The following NLK variants were observed in gnomAD, a reference collection of about 807,000 sequenced individuals.
NLK encodes nemo like kinase.
Under a neutral mutation model 59.0 loss-of-function variants are expected in NLK, and 11 were observed. That is an observed-to-expected ratio of 0.19 (90% CI 0.12 to 0.31). NLK has a LOEUF of 0.31. NLK is among the 10% of genes least tolerant of loss of function. The pLI, the probability that NLK is intolerant of heterozygous loss-of-function variation, is 1.00. For synonymous variants in NLK, 235 were observed against 235.9 expected (o/e 1.00, Z 0.03); for missense variants, 410 against 661.1 (o/e 0.62, Z 4.16).
At chr17:28,162,551 C>A (rs943355106) in intron 4 of NLK, among the ~76,000 whole-genome samples, 1 of 152,000 alleles carries the variant, frequency 6.6e-6, no homozygotes, top group Non-Finnish European at 1.5e-5. Flanking sequence ...GCAGGAGAAT[C>A]GAGTGAACCC....
chr17:28,143,455 T>G (rs1443736651), intron 3 of NLK, among the ~76,000 whole-genome samples: 1 of 152,178 alleles, frequency 6.6e-6, no homozygotes, highest in East Asian at 1.9e-4. Flanking sequence ...TAGCATTAGT[T>G]TCTGTCCATA....
intron 5 of NLK, among the ~76,000 whole-genome samples, chr17:28,167,784 G>C (rs1233448955): frequency 6.6e-6 from 1 of 151,548 alleles, no homozygotes. Flanking sequence ...GCCTCAGATC[G>C]ATCACGCCAC....
rs1906736236 is a variant in NLK at position 28,136,105 on chromosome 17, G to T, written c.644+3430G>T. 2.6e-5 allele frequency among the ~76,000 whole-genome samples: 4 copies of T among 152,194 alleles called. No homozygotes were observed. The South Asian group carries it at 8.3e-4, about 32-fold the overall frequency. On this transcript the variant is annotated intron_variant, in intron 3 of 10. Coordinates refer to ENST00000407008, the MANE Select transcript of NLK (RefSeq NM_016231.5). ...TTGTTCGCAGATGTTTAAGTAAAGA[G>T]CCTTTGTCAAAAAATATTCATGGAA...
chr17:28,137,005 TAAAA>T, intron 3 of NLK, among the ~76,000 whole-genome samples: 1 of 127,190 alleles, frequency 7.9e-6, no homozygotes, highest in South Asian at 2.5e-4. Flanking sequence ...CCTTGAAAAA[TAAAA>T]AACCTATTAC....
At chr17:28,130,559 A>AC (rs1336329492) in intron 2 of NLK, among the ~76,000 whole-genome samples, 21 of 152,200 alleles carry the variant, frequency 1.4e-4, no homozygotes, top group Admixed American at 3.9e-4. Context: ...TGGAGTAAGA[A>AC]AGCCTCATTC....
chr17:28,106,533 CA>C (rs959923695), intron 1 of NLK, among the ~76,000 whole-genome samples: 3 of 152,062 alleles, frequency 2.0e-5, no homozygotes, highest in African/African-American at 7.2e-5. Flanking sequence ...TTCAAATAAA[CA>C]AAAATTTAAT....
downstream of NLK, among the ~76,000 whole-genome samples, chr17:28,198,655 T>G (rs1017734436): frequency 6.6e-6 from 1 of 152,164 alleles, no homozygotes; most frequent in African/African-American, 2.4e-5. Flanking sequence ...CTCCATTCTC[T>G]TCCGGAGTTT....
chr17:28,118,133 A>G (rs1245790953), intron 1 of NLK, among the ~76,000 whole-genome samples: 13 of 152,164 alleles, frequency 8.5e-5, no homozygotes, highest in Admixed American at 7.9e-4. Context: ...GAAACAGGCA[A>G]TCTAAATACA....
intron 1 of NLK, among the ~76,000 whole-genome samples, chr17:28,080,140 T>C (rs1245121331): frequency 6.6e-6 from 1 of 152,190 alleles, no homozygotes; most frequent in African/African-American, 2.4e-5. Flanking sequence ...TGTGTGTGTA[T>C]GTGTCTGTCA....
At chr17:28,135,651 C>T (rs1284363142) in intron 3 of NLK, among the ~76,000 whole-genome samples, 1 of 152,178 alleles carries the variant, frequency 6.6e-6, no homozygotes, top group Non-Finnish European at 1.5e-5. Context: ...CCCTTTACTG[C>T]ACATAGGCCA....
intron 1 of NLK, among the ~76,000 whole-genome samples, chr17:28,060,684 G>T (rs945389748): frequency 6.6e-6 from 1 of 152,186 alleles, no homozygotes; most frequent in Non-Finnish European, 1.5e-5. Context: ...AACATTAAAG[G>T]ATTTCACTTT....
chr17:28,115,705 A>G (rs1394091232), intron 1 of NLK, among the ~76,000 whole-genome samples: 1 of 152,092 alleles, frequency 6.6e-6, no homozygotes, highest in Non-Finnish European at 1.5e-5. Flanking sequence ...ACAATTTTAC[A>G]ATGTTGAGTT....
At chr17:28,100,082 T>C (rs1358503558) in intron 1 of NLK, among the ~76,000 whole-genome samples, 1 of 152,234 alleles carries the variant, frequency 6.6e-6, no homozygotes, top group African/African-American at 2.4e-5. Flanking sequence ...TGCAAGTTTT[T>C]ACATAGCTCT....
chr17:28,192,230 A>G lies in NLK; in HGVS notation c.1529+17A>G. The G allele has an allele frequency of 7.6e-7, 1 of 1,311,468 alleles. No individual in the cohort carries two copies. Among genetic ancestry groups the G allele is most frequent in the Non-Finnish European group, 1.1e-6 (1 of 914,950 alleles). The allele number at this position is 1,311,468 out of a possible 1,614,324, so 81.2% of individuals were successfully genotyped here. On this transcript the variant is annotated intron_variant, in intron 10 of 10. Coordinates refer to ENST00000407008, the MANE Select transcript of NLK (RefSeq NM_016231.5). ...CTTTATTAGGTAACTATATGTATGT[A>G]ATTCAACATTCTTGTTAGAATTAAA...
downstream of NLK, among the ~76,000 whole-genome samples, chr17:28,198,657 C>A (rs1180286928): frequency 6.6e-6 from 1 of 152,110 alleles, no homozygotes; most frequent in Non-Finnish European, 1.5e-5. Flanking sequence ...CCATTCTCTT[C>A]CGGAGTTTTA....
chr17:28,172,631 G>T lies in NLK; in HGVS notation c.1149+13G>T. The T allele has an allele frequency of 1.4e-6, 2 of 1,453,950 alleles. No individual in the cohort carries two copies. The highest frequency in any genetic ancestry group is 1.8e-6 in the Non-Finnish European group (2 of 1,081,408). 90.1% of individuals were successfully genotyped at this position (1,453,950 alleles called of 1,614,324 possible). A position where few individuals can be genotyped will look rare whatever the true frequency, so the allele number is the denominator to read the frequency against. On this transcript the variant is annotated intron_variant, in intron 7 of 10. Coordinates refer to ENST00000407008, the MANE Select transcript of NLK (RefSeq NM_016231.5). Reference sequence around the variant, plus strand: ...TCCTCATAAACAGGTGAGAGGAGGGGGGAATCTTTTTCTGGTAACCATCTG... The same window carrying T: ...TCCTCATAAACAGGTGAGAGGAGGGTGGAATCTTTTTCTGGTAACCATCTG...
At chr17:28,053,653 C>A (rs1909338839) in intron 1 of NLK, among the ~76,000 whole-genome samples, 1 of 152,120 alleles carries the variant, frequency 6.6e-6, no homozygotes, top group African/African-American at 2.4e-5. Flanking sequence ...ACCTAAAATT[C>A]TTGCTCTGAG....
intron 1 of NLK, among the ~76,000 whole-genome samples, chr17:28,066,115 T>C (rs181508786): frequency 4.6e-5 from 7 of 152,328 alleles, no homozygotes; most frequent in Admixed American, 4.6e-4. Flanking sequence ...TTTACTCCAC[T>C]ATTATCTTCT....
intron 3 of NLK, among the ~76,000 whole-genome samples, chr17:28,149,167 A>C (rs1907379877): frequency 6.6e-6 from 1 of 152,148 alleles, no homozygotes; most frequent in African/African-American, 2.4e-5. Flanking sequence ...CTTAAACTTA[A>C]AATCCTTTCA....
Sources: gnomAD v4.1 joint callset for allele counts (sites outside exome capture counted in the v4.1 genomes callset) on GRCh38, gnomAD v4.1.1 for gene constraint, MANE v1.5 for transcripts, NCBI Gene and HGNC (gene_info 2026-07-23, HGNC 2026-07-21) for gene names.